The following TASP1 variants were observed in gnomAD, a reference collection of about 807,000 sequenced individuals.
The protein encoded by TASP1 is threonine aspartase 1.
In TASP1, 16 loss-of-function variants were observed where a neutral mutation model predicts 56.6. That is an observed-to-expected ratio of 0.28 (90% confidence interval 0.19 to 0.43). The LOEUF (loss-of-function observed/expected upper bound fraction) is 0.43. TASP1 is among the 20% of genes least tolerant of loss of function. The pLI is 1.00. For missense variants in TASP1, 393 were observed against 511.6 expected, an observed-to-expected ratio of 0.77 and a Z score of 2.24; for synonymous variants, 179 against 184.2, an observed-to-expected ratio of 0.97 and a Z score of 0.23.
At chr20:13,152,879 T>C in the TASP1 span, among the ~76,000 whole-genome samples, 1 of 152,152 alleles carries the variant, frequency 6.6e-6, no homozygotes, top group Non-Finnish European at 1.5e-5. Context: ...GATTGACATG[T>C]TTACTGAAAT....
At chr20:13,585,392 T>G (rs2047266457) in intron 5 of TASP1, among the ~76,000 whole-genome samples, 3 of 152,098 alleles carry the variant, frequency 2.0e-5, no homozygotes, top group Admixed American at 2.0e-4. Flanking sequence ...AAAACACCAT[T>G]AAGAGATTGT....
At chr20:13,199,667 T>C in the TASP1 span, among the ~76,000 whole-genome samples, 3 of 152,340 alleles carry the variant, frequency 2.0e-5, no homozygotes, top group South Asian at 2.1e-4. Flanking sequence ...TAAAACTGAC[T>C]GTGTATTTGC....
intron 8 of TASP1, among the ~76,000 whole-genome samples, chr20:13,546,505 T>C (rs1481824366): frequency 1.3e-5 from 2 of 152,186 alleles, no homozygotes; most frequent in African/African-American, 2.4e-5. Context: ...ACAAGGCAAT[T>C]CATATTTCCA....
At chr20:13,215,070 G>A in the TASP1 span, among the ~76,000 whole-genome samples, 1 of 152,146 alleles carries the variant, frequency 6.6e-6, no homozygotes, top group South Asian at 2.1e-4. Context: ...TATGCACCCA[G>A]GATACATGCT....
the TASP1 span, among the ~76,000 whole-genome samples, chr20:13,365,974 G>A: frequency 4.6e-5 from 7 of 152,138 alleles, no homozygotes; most frequent in Non-Finnish European, 1.0e-4. Context: ...TTCAGGATAT[G>A]TTTGCAGAGA....
At chr20:13,385,611 GA>G (rs904267907), downstream of TASP1, among the ~76,000 whole-genome samples, 21 of 152,302 alleles carry the variant, frequency 1.4e-4, no homozygotes, top group African/African-American at 4.8e-4. Flanking sequence ...AAGTCCTCCA[GA>G]AGCAACCCTG....
the TASP1 span, among the ~76,000 whole-genome samples, chr20:13,212,562 C>T: frequency 7.8e-4 from 119 of 152,232 alleles, no homozygotes; most frequent in African/African-American, 2.7e-3. Context: ...TTGTGAGTAA[C>T]CAAAACATCC....
the TASP1 span, among the ~76,000 whole-genome samples, chr20:13,232,141 TTTA>T: frequency 2.0e-5 from 3 of 152,220 alleles, no homozygotes; most frequent in East Asian, 5.8e-4. Flanking sequence ...TGGCAGTCAT[TTTA>T]TTATTATTTT....
At position 13,392,781 on chromosome 20, in the gene TASP1, C is replaced by T. The variant is rs567124710; in HGVS notation, c.1171-2329G>A. On this transcript the variant is annotated intron_variant, in intron 13 of 13. Transcript: ENST00000337743. ...CAGATGTTCTCACCATCAGTGACCCCTTCCTTGACCTCAACTACATAGTCT... is the reference window on the plus strand; with the variant it reads ...CAGATGTTCTCACCATCAGTGACCCTTTCCTTGACCTCAACTACATAGTCT... The T allele has an allele frequency of 1.4e-3, 872 of 609,512 alleles. 7 individuals carry two copies. In the African/African-American group the frequency reaches 0.015, roughly 10 times the overall value. The allele number at this position is 609,512 out of a possible 1,614,324, so 37.8% of individuals were successfully genotyped here. A position where few individuals can be genotyped will look rare whatever the true frequency, so the allele number is the denominator to read the frequency against.
the TASP1 span, among the ~76,000 whole-genome samples, chr20:13,264,746 G>A: frequency 6.6e-6 from 1 of 152,212 alleles, no homozygotes. Flanking sequence ...GATGTACTCA[G>A]TATAAAGGAC....
At chr20:13,299,879 G>A in the TASP1 span, 17 of 158,796 alleles carry the variant, frequency 1.1e-4, no homozygotes, top group African/African-American at 3.4e-4. This position sits in a 1 kb window ranked among gnomAD's most constrained non-coding sequence, Gnocchi z 5.8. Flanking sequence ...TTAATTAAGC[G>A]TAACCTTTTC....
At chr20:13,316,945 C>T in the TASP1 span, among the ~76,000 whole-genome samples, 5 of 149,942 alleles carry the variant, frequency 3.3e-5, no homozygotes, top group African/African-American at 1.2e-4. Context: ...TGCAATAAGA[C>T]AAGAAAAAGA....
downstream of TASP1, among the ~76,000 whole-genome samples, chr20:13,387,184 A>ATTTTTTTTTTTTTTTTTT (rs779048448): frequency 9.9e-5 from 7 of 70,704 alleles, 1 homozygote; most frequent in African/African-American, 4.7e-4. Context: ...ACATGATTTC[A>ATTTTTTTTTTTTTTTTTT]TTTTTTTTTT....
intron 11 of TASP1, among the ~76,000 whole-genome samples, chr20:13,441,556 T>C (rs6042108): frequency 0.058 from 8,889 of 152,168 alleles, 364 homozygotes; most frequent in African/African-American, 0.12. Flanking sequence ...AATCAGCAAA[T>C]GCAGAGACTC....
At chr20:13,299,579 CATGAGT>C in the TASP1 span, 1 of 938,522 alleles carries the variant, frequency 1.1e-6, no homozygotes, top group Non-Finnish European at 1.6e-6. The surrounding 1 kb of genome is among the most constrained non-coding windows in gnomAD (Gnocchi z 5.8). Flanking sequence ...GTATATACCA[CATGAGT>C]ATTTCTCATA....
At chr20:13,558,377 T>C (rs1238876913) in intron 8 of TASP1, among the ~76,000 whole-genome samples, 1 of 152,182 alleles carries the variant, frequency 6.6e-6, no homozygotes, top group Non-Finnish European at 1.5e-5. Flanking sequence ...ACTTACACTC[T>C]ACTCCCTAAA....
chr20:13,310,539 A>G, the TASP1 span, among the ~76,000 whole-genome samples: 1 of 152,238 alleles, frequency 6.6e-6, no homozygotes, highest in African/African-American at 2.4e-5. Context: ...CTGCCCAAAT[A>G]TGTAGGCAAC....
chr20:13,180,515 T>C, the TASP1 span, among the ~76,000 whole-genome samples: 1 of 152,162 alleles, frequency 6.6e-6, no homozygotes, highest in Admixed American at 6.5e-5. Context: ...CAGACTGCTG[T>C]CTCCTCTAAG....
the TASP1 span, among the ~76,000 whole-genome samples, chr20:13,254,392 G>A: frequency 6.6e-6 from 1 of 152,048 alleles, no homozygotes; most frequent in African/African-American, 2.4e-5. Flanking sequence ...ATTTGACTTT[G>A]AAGAAAAGCA....
Sources: gnomAD v4.1 joint callset for allele counts (sites outside exome capture counted in the v4.1 genomes callset) on GRCh38, gnomAD v4.1.1 for gene constraint, Gnocchi (gnomAD v3.1) non-coding constraint, MANE v1.5 for transcripts, NCBI Gene and HGNC (gene_info 2026-07-23, HGNC 2026-07-21) for gene names.